The following ADAM9 variants were observed in gnomAD, a reference collection of about 807,000 sequenced individuals.
The protein encoded by ADAM9 is ADAM metallopeptidase domain 9, also known as disintegrin and metalloproteinase domain-containing protein 9.
In ADAM9, 54 loss-of-function variants were observed where a neutral mutation model predicts 108.1. That is an observed-to-expected ratio of 0.50 (90% CI 0.40 to 0.63). The LOEUF (loss-of-function observed/expected upper bound fraction) is 0.63, where lower values mean the gene tolerates loss of function less well. Ranked by LOEUF, ADAM9 falls within the 20% of genes least tolerant of loss-of-function variation. The probability of loss-of-function intolerance (pLI) is 0.00; values close to 1 mark genes in which losing one functional copy is unlikely to be tolerated. For synonymous variants in ADAM9, 316 were observed against 336.0 expected, an observed-to-expected ratio of 0.94 and a Z score of 0.65; for missense variants, 830 against 997.7, an observed-to-expected ratio of 0.83 and a Z score of 2.26.
Position 39,104,889 on chromosome 8 carries a change from T to C in ADAM9, c.*1189T>C. On this transcript the variant is annotated 3_prime_UTR_variant, in exon 22 of 22. Transcript: ENST00000487273. ...TTTCATAACCTTTCATAATAAAGTT[T>C]AATAATAGGTTTATTAACTGAATTT... is the stretch of plus-strand genomic sequence containing the variant. The C allele has an allele frequency of 2.3e-6, 1 of 440,902 alleles. No homozygotes were observed. Among genetic ancestry groups the C allele is most frequent in the African/African-American group, 2.0e-5 (1 of 48,782 alleles). 27.3% of individuals were successfully genotyped at this position (440,902 alleles called of 1,614,324 possible).
chr8:38,997,506 C>G (rs1276280065), intron 1 of ADAM9, among the ~76,000 whole-genome samples: 2 of 152,206 alleles, frequency 1.3e-5, no homozygotes, highest in Admixed American at 1.3e-4. Flanking sequence ...CTCGGCGGGC[C>G]GGAGCCCTGC....
At chr8:39,045,587 T>TATATATATATATATATATAA (rs1230398174) in intron 12 of ADAM9, among the ~76,000 whole-genome samples, 2 of 148,830 alleles carry the variant, frequency 1.3e-5, no homozygotes, top group African/African-American at 4.9e-5. Context: ...TATATATATA[T>TATATATATATATATATATAA]AAAAGATTTT....
intron 15 of ADAM9, among the ~76,000 whole-genome samples, chr8:39,073,160 A>G (rs1172381331): frequency 1.3e-5 from 2 of 152,176 alleles, no homozygotes; most frequent in Non-Finnish European, 2.9e-5. Flanking sequence ...GTTGTTAGAG[A>G]TGTTATTCTA....
intron 14 of ADAM9, among the ~76,000 whole-genome samples, chr8:39,070,833 T>TTAATTAAATAC (rs1395751765): frequency 6.6e-6 from 1 of 151,820 alleles, no homozygotes; most frequent in Non-Finnish European, 1.5e-5. Flanking sequence ...GTCAATGTAT[T>TTAATTAAATAC]TAATTAGTAG....
chr8:39,045,410 G>GT, intron 12 of ADAM9, among the ~76,000 whole-genome samples: 1 of 21,852 alleles, frequency 4.6e-5, no homozygotes, highest in Admixed American at 3.2e-4. Context: ...ACCTATATGT[G>GT]CGCGTGTGTA....
rs1554579176 is a variant in ADAM9, at chr8:39,045,385, G to GTGCGTGTACACACACCTATATGTGC, written c.1302+3268_1302+3269insTGCGTGTACACACACCTATATGTGC. ...ATAGGTGTGTGTACATACACCTATA[G>GTGCGTGTACACACACCTATATGTGC]GTGTGTGTACACACACCTATATGTG... On this transcript the variant is annotated intron_variant, in intron 12 of 21. Coordinates refer to ENST00000487273, the MANE Select transcript of ADAM9 (RefSeq NM_003816.3). Among the ~76,000 whole-genome samples, 2 of 15,950 alleles carry GTGCGTGTACACACACCTATATGTGC rather than the reference G, an allele frequency of 1.3e-4. 1 individual carries two copies. The highest frequency in any genetic ancestry group is 1.7e-3 in the Admixed American group (2 of 1,172). The allele number at this position is 15,950 out of a possible 152,430, so 10.5% of individuals were successfully genotyped here. A position where few individuals can be genotyped will look rare whatever the true frequency, so the allele number is the denominator to read the frequency against.
chr8:39,043,237 A>T (rs1164783141), intron 12 of ADAM9, among the ~76,000 whole-genome samples: 1 of 152,196 alleles, frequency 6.6e-6, no homozygotes, highest in Non-Finnish European at 1.5e-5. Context: ...TGCAGTGAAC[A>T]TAGGAATGCT....
chr8:39,017,465 T>C (rs760418946), intron 6 of ADAM9, 51 bp downstream of exon 6: 2 of 1,568,402 alleles, frequency 1.3e-6, no homozygotes, highest in Non-Finnish European at 1.7e-6. Context: ...TTTAGAAAAA[T>C]CATGTATTTA....
At position 39,042,065 on chromosome 8, in the gene ADAM9, G is replaced by C; in HGVS notation, c.1250G>C (p.Cys417Ser). The C allele has an allele frequency of 6.2e-7, 1 of 1,614,114 alleles. No individual in the cohort carries two copies. Among genetic ancestry groups the C allele is most frequent in the Non-Finnish European group, 8.5e-7 (1 of 1,179,956 alleles). The change falls in exon 12 of 22, where the codon TGT becomes TCT. Residue 417 changes from cysteine (C) to serine (S), a missense_variant. Physicochemically the swap from Cys to Ser is moderately radical, Grantham distance 112. Around this residue, in one of 3 missense-constraint regions of ADAM9, gnomAD observed 381 missense variants for 539.8 expected, o/e 0.71. Coordinates refer to ENST00000487273, the MANE Select transcript of ADAM9 (RefSeq NM_003816.3). ...GATGAAGCCTATAGTGCTCCCTCCTGTGGTAATAAGTTGGTGGACGCTGGG... is the reference window on the plus strand; with the variant it reads ...GATGAAGCCTATAGTGCTCCCTCCTCTGGTAATAAGTTGGTGGACGCTGGG... ...KPDEAYSAPS[C>S]GNKLVDAGEE...
In ADAM9 at chr8:39,090,355, A is replaced by G. The variant is rs540981890; in HGVS notation, c.2210+167A>G. Among the ~76,000 whole-genome samples the G allele has an allele frequency of 9.5e-4, 145 of 152,162 alleles. 1 individual carries two copies. The highest frequency in any genetic ancestry group is 3.3e-3 in the African/African-American group (139 of 41,518). ...CCAGTTAATTTTTATATTTTTTTGT[A>G]GAGATGGGGTTTCGCCATGTTGCCC... On this transcript the variant is annotated intron_variant, in intron 19 of 21. Coordinates refer to ENST00000487273, the MANE Select transcript of ADAM9 (RefSeq NM_003816.3).
intron 1 of ADAM9, among the ~76,000 whole-genome samples, chr8:39,001,033 C>T (rs1308588013): frequency 2.0e-5 from 3 of 152,068 alleles, no homozygotes; most frequent in African/African-American, 7.2e-5. Flanking sequence ...ATGATTTTAA[C>T]GTCTTCCTTC....
chr8:39,078,221 A>G (rs1235655134), intron 16 of ADAM9, among the ~76,000 whole-genome samples: 2 of 152,184 alleles, frequency 1.3e-5, no homozygotes, highest in African/African-American at 4.8e-5. Flanking sequence ...TGTCCTTGCA[A>G]CTAAATAAAC....
chr8:39,043,791 T>C (rs954530739), intron 12 of ADAM9, among the ~76,000 whole-genome samples: 4 of 152,260 alleles, frequency 2.6e-5, no homozygotes, highest in African/African-American at 9.6e-5. Context: ...GCTCCCACTT[T>C]TTGGGGTCTC....
intron 1 of ADAM9, among the ~76,000 whole-genome samples, chr8:38,999,901 T>G (rs1469802065): frequency 6.6e-6 from 1 of 152,250 alleles, no homozygotes; most frequent in Non-Finnish European, 1.5e-5. Context: ...GCCTCATATT[T>G]CTTTTTCCTT....
chr8:39,050,626 A>G (rs568596568), intron 12 of ADAM9, among the ~76,000 whole-genome samples: 1 of 152,224 alleles, frequency 6.6e-6, no homozygotes, highest in Non-Finnish European at 1.5e-5. Flanking sequence ...TAACCTGGCC[A>G]GAGCTTTTTT....
chr8:39,039,063 A>G (rs868543871), intron 11 of ADAM9, among the ~76,000 whole-genome samples: 1 of 152,208 alleles, frequency 6.6e-6, no homozygotes, highest in Non-Finnish European at 1.5e-5. Flanking sequence ...TCTAGAGACC[A>G]GTTAGCAAAG....
At chr8:39,068,228 G>A (rs1262714237) in intron 14 of ADAM9, among the ~76,000 whole-genome samples, 4 of 152,140 alleles carry the variant, frequency 2.6e-5, no homozygotes, top group Non-Finnish European at 4.4e-5. Flanking sequence ...GGCTCATGGG[G>A]GAGGCTTGTT....
At chr8:39,019,940 A>G (rs576678914) in intron 7 of ADAM9, among the ~76,000 whole-genome samples, 10 of 152,382 alleles carry the variant, frequency 6.6e-5, no homozygotes, top group Admixed American at 6.5e-4. Flanking sequence ...ACAGTGGGCA[A>G]AAAGCTTCTG....
chr8:39,039,527 T>C (rs1052001018), intron 11 of ADAM9, among the ~76,000 whole-genome samples: 1 of 152,262 alleles, frequency 6.6e-6, no homozygotes, highest in Admixed American at 6.5e-5. Flanking sequence ...TATCTGCTAC[T>C]TTGTATCAGA....
Sources: allele counts gnomAD v4.1 joint callset (sites outside exome capture counted in the v4.1 genomes callset), GRCh38; gene constraint gnomAD v4.1.1; regional missense constraint gnomAD v4.1.1; transcripts MANE v1.5; gene names NCBI Gene and HGNC (gene_info 2026-07-23, HGNC 2026-07-21).